MYOM1: variants seen among roughly 807,000 people sequenced by gnomAD.
MYOM1 encodes the protein myomesin 1.
In MYOM1, 164 loss-of-function variants were observed where a neutral mutation model predicts 205.3. That is an observed-to-expected ratio of 0.80 (90% confidence interval 0.70 to 0.91). MYOM1 has a LOEUF of 0.91. Among genes scored for constraint, MYOM1 ranks in the 40% least tolerant of loss-of-function variants. The pLI, the probability that MYOM1 is intolerant of heterozygous loss-of-function variation, is 0.00. For synonymous variants in MYOM1, 772 were observed against 789.4 expected, an observed-to-expected ratio of 0.98 and a Z score of 0.37; for missense variants, 2,011 against 2,127.3, an observed-to-expected ratio of 0.95 and a Z score of 1.08.
intron 2 of MYOM1, among the ~76,000 whole-genome samples, chr18:3,195,934 C>T (rs954152918): frequency 2.6e-5 from 4 of 152,034 alleles, no homozygotes; most frequent in African/African-American, 7.2e-5. Context: ...CTTTCATCAG[C>T]TTCCACTTCA....
chr18:3,087,494 T>TG (rs1434958552), intron 29 of MYOM1, among the ~76,000 whole-genome samples: 1 of 149,336 alleles, frequency 6.7e-6, no homozygotes, highest in African/African-American at 2.5e-5. Context: ...CGTTCTTTTT[T>TG]TTTTTTTTTT....
intron 20 of MYOM1, among the ~76,000 whole-genome samples, chr18:3,118,468 G>A (rs2079637741): frequency 6.6e-6 from 1 of 151,980 alleles, no homozygotes; most frequent in East Asian, 1.9e-4. Context: ...GAGTAGCTGG[G>A]ACTACAGGCA....
At chr18:3,200,785 G>A (rs1234728501) in intron 2 of MYOM1, among the ~76,000 whole-genome samples, 2 of 151,998 alleles carry the variant, frequency 1.3e-5, no homozygotes, top group African/African-American at 4.8e-5. Context: ...TGCCAGAAAG[G>A]GAAGAGAGAG....
rs768555182 is a variant in MYOM1 at position 3,072,370 on chromosome 18, T to TTTTTTTTTTTTTTTTTG, written c.4709-482_4709-481insCAAAAAAAAAAAAAAAA. On this transcript the variant is annotated intron_variant, in intron 36 of 37. Transcript: ENST00000356443. ...CCCGGCTTTTTTTTTTTTTTTTTTT[T>TTTTTTTTTTTTTTTTTG]TGAGGCAGAGTCTCGCTCTGTCACC... Among the ~76,000 whole-genome samples the TTTTTTTTTTTTTTTTTG allele has an allele frequency of 2.9e-3, 336 of 115,940 alleles. 36 individuals carry two copies. Among genetic ancestry groups the TTTTTTTTTTTTTTTTTG allele is most frequent in the Middle Eastern group, 5.1e-3 (1 of 196 alleles). 76.1% of individuals were successfully genotyped at this position (115,940 alleles called of 152,430 possible). A position where few individuals can be genotyped will look rare whatever the true frequency, so the allele number is the denominator to read the frequency against.
At chr18:3,244,733 C>CAA in the MYOM1 span, among the ~76,000 whole-genome samples, 18 of 118,812 alleles carry the variant, frequency 1.5e-4, no homozygotes, top group Admixed American at 2.6e-4. Context: ...TACTAAAATA[C>CAA]AAAAAAAAAA....
intron 2 of MYOM1, among the ~76,000 whole-genome samples, chr18:3,196,142 G>A (rs902404775): frequency 3.3e-5 from 5 of 152,256 alleles, no homozygotes; most frequent in African/African-American, 1.2e-4. Flanking sequence ...AGACGTTTAT[G>A]TATTGAGGCT....
chr18:3,199,724 C>T (rs992272666), intron 2 of MYOM1, among the ~76,000 whole-genome samples: 9 of 152,112 alleles, frequency 5.9e-5, no homozygotes, highest in African/African-American at 1.9e-4. Context: ...CCTATAGTCC[C>T]AGCTACTCTA....
intron 22 of MYOM1, among the ~76,000 whole-genome samples, chr18:3,110,209 T>C (rs1224176052): frequency 3.3e-5 from 5 of 152,202 alleles, no homozygotes; most frequent in Admixed American, 6.5e-5. Context: ...TTGTTCTCCA[T>C]GCTGTGGGTG....
intron 26 of MYOM1, 57 bp downstream of exon 26, chr18:3,094,113 C>A: frequency 1.3e-6 from 2 of 1,568,912 alleles, no homozygotes; most frequent in African/African-American, 1.4e-5. Context: ...CCACATAAGG[C>A]TTCCTCAGTG....
chr18:3,138,665 T>C (rs551344208), intron 14 of MYOM1, among the ~76,000 whole-genome samples: 1 of 152,206 alleles, frequency 6.6e-6, no homozygotes, highest in East Asian at 1.9e-4. Context: ...GGCAAATTCT[T>C]AAGCTGTTAT....
upstream of MYOM1, among the ~76,000 whole-genome samples, chr18:3,221,159 C>T (rs1390703673): frequency 1.3e-5 from 2 of 152,114 alleles, no homozygotes; most frequent in South Asian, 4.2e-4. Flanking sequence ...TAGCTACAGG[C>T]GCATGCCATC....
chr18:3,119,674 G>A (rs1882244846), intron 20 of MYOM1, among the ~76,000 whole-genome samples, 195 bp downstream of exon 20: 1 of 152,184 alleles, frequency 6.6e-6, no homozygotes, highest in South Asian at 2.1e-4. Context: ...CAAGCATAAG[G>A]AATTTATACT....
At chr18:3,213,293 G>A (rs1472867731) in intron 2 of MYOM1, among the ~76,000 whole-genome samples, 2 of 152,204 alleles carry the variant, frequency 1.3e-5, no homozygotes, top group African/African-American at 4.8e-5. Flanking sequence ...AGACTGAAAA[G>A]TATGTTATGT....
At chr18:3,204,794 G>C (rs1352926234) in intron 2 of MYOM1, among the ~76,000 whole-genome samples, 1 of 151,944 alleles carries the variant, frequency 6.6e-6, no homozygotes, top group Non-Finnish European at 1.5e-5. Flanking sequence ...GAACTAAGAG[G>C]ACTTACATTC....
chr18:3,073,101 C>A (rs78000532), intron 36 of MYOM1, among the ~76,000 whole-genome samples: 2,911 of 151,912 alleles, frequency 0.019, 91 homozygotes, highest in African/African-American at 0.067. Context: ...GCACAAGCCA[C>A]CAGGCCTGGC....
intron 21 of MYOM1, among the ~76,000 whole-genome samples, chr18:3,113,917 G>T (rs930046025): frequency 1.3e-5 from 2 of 152,122 alleles, no homozygotes; most frequent in Non-Finnish European, 2.9e-5. Context: ...AAATTGTTAG[G>T]TTTTTAATCT....
chr18:3,186,030 T>C (rs1007796772), intron 5 of MYOM1, among the ~76,000 whole-genome samples: 5 of 152,130 alleles, frequency 3.3e-5, no homozygotes, highest in Non-Finnish European at 5.9e-5. Flanking sequence ...ACCCCGTCTC[T>C]ACTGAAAATA....
At chr18:3,242,656 G>T in the MYOM1 span, among the ~76,000 whole-genome samples, 1 of 151,938 alleles carries the variant, frequency 6.6e-6, no homozygotes, top group Non-Finnish European at 1.5e-5. Context: ...TTACAGGCAC[G>T]CACCACCACG....
intron 2 of MYOM1, among the ~76,000 whole-genome samples, chr18:3,212,454 T>G (rs2081202467): frequency 1.3e-5 from 2 of 152,266 alleles, no homozygotes; most frequent in South Asian, 4.1e-4. Flanking sequence ...TATCAGACTA[T>G]GAATAAATAT....
Sources: allele counts gnomAD v4.1 joint callset (sites outside exome capture counted in the v4.1 genomes callset), GRCh38; gene constraint gnomAD v4.1.1; transcripts MANE v1.5; gene names NCBI Gene and HGNC (gene_info 2026-07-23, HGNC 2026-07-21).